The following GABRG1 variants were observed in gnomAD, a reference collection of about 807,000 sequenced individuals.
GABRG1 encodes gamma-aminobutyric acid receptor subunit gamma-1.
In GABRG1, 49 loss-of-function variants were observed where a neutral mutation model predicts 49.8. That is an observed-to-expected ratio of 0.98 (90% CI 0.78 to 1.25). GABRG1 has a LOEUF of 1.25. Among genes scored for constraint, GABRG1 ranks in the 50% most tolerant of loss-of-function variants. The pLI is 0.00. For missense variants in GABRG1, 552 were observed against 552.3 expected (o/e 1.00, Z 0.01); for synonymous variants, 232 against 185.1 (o/e 1.25, Z -2.06).
At chr4:46,077,957 C>T (rs549393084) in intron 3 of GABRG1, among the ~76,000 whole-genome samples, 16 of 151,498 alleles carry the variant, frequency 1.1e-4, no homozygotes, top group South Asian at 4.1e-4. Context: ...AAAGAAACAG[C>T]GATGAAAATG....
At chr4:46,043,142 A>G (rs1319238807) in intron 8 of GABRG1, among the ~76,000 whole-genome samples, 1 of 152,004 alleles carries the variant, frequency 6.6e-6, no homozygotes, top group East Asian at 1.9e-4. Flanking sequence ...TATGTGGTAG[A>G]AAACACATTC....
intron 3 of GABRG1, among the ~76,000 whole-genome samples, chr4:46,067,712 TA>T (rs1288569351): frequency 1.3e-5 from 2 of 152,154 alleles, no homozygotes; most frequent in Admixed American, 6.6e-5. Context: ...ATAAATCTGA[TA>T]GCCACACCCT....
chr4:46,074,530 G>C (rs777871149), intron 3 of GABRG1, among the ~76,000 whole-genome samples: 1 of 152,070 alleles, frequency 6.6e-6, no homozygotes, highest in Non-Finnish European at 1.5e-5. Flanking sequence ...CCCCTACCAG[G>C]AAATCCAAGG....
In GABRG1 at chr4:46,048,417, AGG is replaced by A. The variant is rs1406782047; in HGVS notation, c.1131+3005_1131+3006del. On this transcript the variant is annotated intron_variant, in intron 8 of 8. Transcript: ENST00000295452. ...AAGGAAGGAAGGAAGGAAGGAAGGA[AGG>A]AAGGTTCTTCCAAGGTAGAAAAAAG... 6.3e-5 allele frequency among the ~76,000 whole-genome samples: 9 copies of A among 143,176 alleles called. No individual in the cohort carries two copies. In the South Asian group the frequency reaches 1.7e-3, roughly 27 times the overall value. The allele number at this position is 143,176 out of a possible 152,430, so 93.9% of individuals were successfully genotyped here. A position where few individuals can be genotyped will look rare whatever the true frequency, so the allele number is the denominator to read the frequency against.
chr4:46,115,726 T>C (rs995595688), intron 1 of GABRG1, among the ~76,000 whole-genome samples: 4 of 150,774 alleles, frequency 2.7e-5, no homozygotes, highest in Admixed American at 6.6e-5. Context: ...AAATTACATC[T>C]AAAATAGGAA....
chr4:46,103,285 T>TTG (rs144683605), intron 1 of GABRG1, among the ~76,000 whole-genome samples: 76,613 of 151,206 alleles, frequency 0.51, 19,784 homozygotes, highest in African/African-American at 0.55. Context: ...AATTGATTGA[T>TTG]GAGGCCATTT....
chr4:46,044,201 G>A lies in GABRG1; in HGVS notation c.1132-2947C>T, dbSNP rs577045395. On this transcript the variant is annotated intron_variant, in intron 8 of 8. Transcript: ENST00000295452. ...AAATCAACAGGAGAAGGCTGGGCAC[G>A]TTGGCTCACACCTGTAATCCCAGCA... Among the ~76,000 whole-genome samples, 12 of 152,160 alleles carry A rather than the reference G, an allele frequency of 7.9e-5. 1 individual carries two copies. Among genetic ancestry groups the A allele is most frequent in the African/African-American group, 2.2e-4 (9 of 41,542 alleles).
chr4:46,058,982 G>T (rs1327119394), intron 5 of GABRG1, among the ~76,000 whole-genome samples: 2 of 152,020 alleles, frequency 1.3e-5, no homozygotes, highest in East Asian at 1.9e-4. Flanking sequence ...TTTCTGAAAA[G>T]TATAGCATAG....
At position 46,064,464 on chromosome 4, in the gene GABRG1, G is replaced by C; in HGVS notation, c.602C>G (p.Ser201Cys). 1.3e-6 allele frequency: 2 copies of C among 1,541,886 alleles called. No individual in the cohort carries two copies. The highest frequency in any genetic ancestry group is 2.5e-5 in the East Asian group (1 of 40,118). Residue 201 changes from serine to cysteine, a missense_variant, in exon 5 of 9, where the codon TCC becomes TGC. Physicochemically the swap from Ser to Cys is moderately radical, Grantham distance 112. Transcript: ENST00000295452. ...ACAGCTTGAAAATTCCAGTGGACAG[G>C]AATGTTCATCCATGGGAAAGTTATG... ...QLHNFPMDEH[S>C]CPLEFSSYGY...
At chr4:46,101,583 G>C (rs1402434327) in intron 1 of GABRG1, among the ~76,000 whole-genome samples, 1 of 151,588 alleles carries the variant, frequency 6.6e-6, no homozygotes, top group Admixed American at 6.6e-5. Flanking sequence ...TGTGCTAAGT[G>C]CTAGGAATAC....
chr4:46,041,206 T>C lies in GABRG1; in HGVS notation c.1180A>G (p.Ile394Val), dbSNP rs1393784355. The C allele has an allele frequency of 2.5e-6, 4 of 1,612,800 alleles. No homozygotes were observed. Among genetic ancestry groups the C allele is most frequent in the Non-Finnish European group, 3.4e-6 (4 of 1,179,202 alleles). ...PGSTLIPMNN[I>V]SVPQEDDYGY... ...TAATCATCTTCTTGCGGCACAGAAATATTATTCATTGGAATCAGAGTGGAT... is the reference window on the plus strand; with the variant it reads ...TAATCATCTTCTTGCGGCACAGAAACATTATTCATTGGAATCAGAGTGGAT... The change falls in exon 9 of 9, where the codon ATT (isoleucine) becomes GTT (valine). Residue 394 changes from isoleucine (I) to valine (V), a missense_variant. Transcript: ENST00000295452.
intron 2 of GABRG1, among the ~76,000 whole-genome samples, chr4:46,092,651 A>G (rs147016318): frequency 0.018 from 2,763 of 152,206 alleles, 40 homozygotes; most frequent in Middle Eastern, 0.031. Context: ...ATTTAAAAGA[A>G]AATAATTGCC....
intron 8 of GABRG1, among the ~76,000 whole-genome samples, chr4:46,046,720 C>G (rs1718012968): frequency 6.6e-6 from 1 of 151,972 alleles, no homozygotes; most frequent in Admixed American, 6.6e-5. Flanking sequence ...TTATTTTCAT[C>G]CTAATATCTT....
intron 5 of GABRG1, among the ~76,000 whole-genome samples, chr4:46,061,681 A>C (rs1577639834): frequency 6.6e-6 from 1 of 151,580 alleles, no homozygotes; most frequent in Non-Finnish European, 1.5e-5. Context: ...GTTTTTTTTT[A>C]GGATAAATAA....
intron 1 of GABRG1, among the ~76,000 whole-genome samples, chr4:46,105,449 A>G (rs1292858770): frequency 6.6e-6 from 1 of 151,444 alleles, no homozygotes; most frequent in Non-Finnish European, 1.5e-5. Context: ...GAATAGCCCT[A>G]TAACTTCATA....
chr4:46,103,853 A>C (rs2109435582), intron 1 of GABRG1, among the ~76,000 whole-genome samples: 1 of 151,498 alleles, frequency 6.6e-6, no homozygotes, highest in African/African-American at 2.4e-5. Context: ...AGAATGATAC[A>C]AAAAGTATAG....
chr4:46,121,427 A>G (rs1270485172), intron 1 of GABRG1, among the ~76,000 whole-genome samples: 1 of 152,028 alleles, frequency 6.6e-6, no homozygotes, highest in Non-Finnish European at 1.5e-5. Context: ...TTATTTTAAA[A>G]GAATGTTCAT....
chr4:46,076,533 A>G (rs1719340496), intron 3 of GABRG1, among the ~76,000 whole-genome samples: 1 of 151,432 alleles, frequency 6.6e-6, no homozygotes, highest in Admixed American at 6.6e-5. Context: ...AGTATGTTTG[A>G]ATCAGCTATA....
chr4:46,063,520 T>G (rs1718792438), intron 5 of GABRG1, among the ~76,000 whole-genome samples: 1 of 152,218 alleles, frequency 6.6e-6, no homozygotes. Flanking sequence ...TCCTTATACC[T>G]TATACAAAAA....
Sources: gnomAD v4.1 joint callset for allele counts (sites outside exome capture counted in the v4.1 genomes callset) on GRCh38, gnomAD v4.1.1 for gene constraint, MANE v1.5 for transcripts, NCBI Gene and HGNC (gene_info 2026-07-23, HGNC 2026-07-21) for gene names.